BACH2: variants seen among roughly 807,000 people sequenced by gnomAD.
BACH2 encodes the protein transcription regulator protein BACH2.
BACH2 carries 5 observed loss-of-function variants against 61.8 expected under a neutral mutation model. That is an observed-to-expected ratio of 0.08 (90% CI 0.04 to 0.17). The LOEUF (loss-of-function observed/expected upper bound fraction) is 0.17, where lower values mean the gene tolerates loss of function less well. BACH2 is among the 10% of genes least tolerant of loss of function. The probability of loss-of-function intolerance (pLI) is 1.00; values close to 1 mark genes in which losing one functional copy is unlikely to be tolerated. For missense variants in BACH2, 824 were observed against 1,091.1 expected (o/e 0.76, Z 3.45); for synonymous variants, 446 against 440.1 (o/e 1.01, Z -0.17).
intron 4 of BACH2, among the ~76,000 whole-genome samples, chr6:90,188,386 A>G (rs554631937): frequency 1.3e-5 from 2 of 152,292 alleles, no homozygotes; most frequent in South Asian, 4.1e-4. Flanking sequence ...TTGATCTGTG[A>G]TAGTTTCAGT....
chr6:90,202,324 G>T (rs1023775688), intron 4 of BACH2, among the ~76,000 whole-genome samples: 19 of 152,112 alleles, frequency 1.2e-4, no homozygotes, highest in Non-Finnish European at 2.8e-4. Context: ...CTAAATTTCA[G>T]TTTTACTTTT....
intron 2 of BACH2, among the ~76,000 whole-genome samples, chr6:90,266,618 C>T (rs1477941979): frequency 6.6e-6 from 1 of 152,062 alleles, no homozygotes; most frequent in Non-Finnish European, 1.5e-5. Flanking sequence ...AAATGAACCT[C>T]AAAAATGTTA....
At chr6:90,239,144 A>T (rs1397054349) in intron 3 of BACH2, among the ~76,000 whole-genome samples, 1 of 152,158 alleles carries the variant, frequency 6.6e-6, no homozygotes, top group African/African-American at 2.4e-5. Flanking sequence ...ATCAATACAC[A>T]ACCCCATATG....
intron 6 of BACH2, among the ~76,000 whole-genome samples, chr6:89,955,302 G>C (rs544531130): frequency 1.3e-5 from 2 of 152,316 alleles, no homozygotes; most frequent in East Asian, 3.9e-4. Context: ...ATTTAGCTTT[G>C]TAGAAGAGGT....
chr6:90,212,373 C>T (rs1029087863), intron 3 of BACH2, among the ~76,000 whole-genome samples: 1 of 152,142 alleles, frequency 6.6e-6, no homozygotes, highest in Non-Finnish European at 1.5e-5. Flanking sequence ...AAAGAAGAGG[C>T]AAGAGGAACA....
rs1332516026 is a variant in BACH2, at chr6:89,973,077, C to T, written c.244-21215G>A. Reference sequence around the variant, plus strand: ...TGCACTCCAGCCTGGGCAACAAGAGCGAAATTCCATTTCAAAACAACAACA... The same window carrying T: ...TGCACTCCAGCCTGGGCAACAAGAGTGAAATTCCATTTCAAAACAACAACA... On this transcript the variant is annotated intron_variant, in intron 6 of 8. Transcript: ENST00000257749. 5.3e-5 allele frequency among the ~76,000 whole-genome samples: 8 copies of T among 151,934 alleles called. No homozygotes were observed. In the East Asian group the frequency reaches 7.8e-4, roughly 15 times the overall value.
intron 5 of BACH2, among the ~76,000 whole-genome samples, chr6:90,049,358 C>T (rs978034968): frequency 1.3e-5 from 2 of 152,150 alleles, no homozygotes; most frequent in Non-Finnish European, 2.9e-5. Flanking sequence ...CACTGGGTGA[C>T]TACGGATGAC....
At chr6:90,169,575 T>C (rs1350813971) in intron 4 of BACH2, among the ~76,000 whole-genome samples, 2 of 152,198 alleles carry the variant, frequency 1.3e-5, no homozygotes, top group African/African-American at 2.4e-5. Context: ...TAATAGAGCA[T>C]GGTCATGCCC....
intron 4 of BACH2, among the ~76,000 whole-genome samples, chr6:90,120,848 T>C (rs981545102): frequency 6.6e-6 from 1 of 152,208 alleles, no homozygotes; most frequent in Non-Finnish European, 1.5e-5. Context: ...AAACTGTTAA[T>C]GTCAGCTATA....
Position 90,235,234 on chromosome 6 carries a change from G to C in BACH2, c.-275+17279C>G, listed in dbSNP as rs565000290. Among the ~76,000 whole-genome samples the C allele has an allele frequency of 7.2e-5, 11 of 152,218 alleles. No homozygotes were observed. In the South Asian group the frequency reaches 2.3e-3, roughly 32 times the overall value. ...TTCATAGAAAGGAAGATTAGTGTGT[G>C]GTTAAAAGCAAAGGTATTGAGTCCA... On this transcript the variant is annotated intron_variant, in intron 3 of 8. Coordinates refer to ENST00000257749, the MANE Select transcript of BACH2 (RefSeq NM_021813.4).
intron 4 of BACH2, among the ~76,000 whole-genome samples, chr6:90,091,740 G>A (rs1163379032): frequency 6.6e-6 from 1 of 152,048 alleles, no homozygotes; most frequent in Non-Finnish European, 1.5e-5. Context: ...GGAGTGGGGG[G>A]TGCAAAAAAT....
intron 4 of BACH2, among the ~76,000 whole-genome samples, chr6:90,106,011 G>C (rs957817716): frequency 1.3e-5 from 2 of 152,196 alleles, no homozygotes; most frequent in African/African-American, 4.8e-5. Flanking sequence ...CTTCAGAAGA[G>C]GGAAGAAGGA....
intron 3 of BACH2, among the ~76,000 whole-genome samples, chr6:90,226,888 C>T (rs1270952519): frequency 6.6e-6 from 1 of 152,156 alleles, no homozygotes; most frequent in Non-Finnish European, 1.5e-5. Flanking sequence ...TATTGAATTT[C>T]TCTTCTCTTA....
At chr6:90,022,978 A>T (rs935299885) in intron 5 of BACH2, among the ~76,000 whole-genome samples, 1 of 152,248 alleles carries the variant, frequency 6.6e-6, no homozygotes, top group Non-Finnish European at 1.5e-5. Flanking sequence ...GTCTATCCGT[A>T]GCAGAATGCA....
Position 89,932,401 on chromosome 6 carries a change from C to T in BACH2, c.*7G>A, listed in dbSNP as rs369688322. The T allele has an allele frequency of 6.5e-5, 104 of 1,603,006 alleles. No homozygotes were observed. The African/African-American group carries it at 7.5e-4, about 12-fold the overall frequency. On this transcript the variant is annotated 3_prime_UTR_variant, in exon 9 of 9. Coordinates refer to ENST00000257749, the MANE Select transcript of BACH2 (RefSeq NM_021813.4). ...AGGTGTGCGGACTGGGAGGCAGAGC[C>T]GAGTCACTAGGTATAATCTTTCCTG...
At chr6:90,024,162 C>T (rs1778517629) in intron 5 of BACH2, among the ~76,000 whole-genome samples, 1 of 152,014 alleles carries the variant, frequency 6.6e-6, no homozygotes, top group South Asian at 2.1e-4. Context: ...TATATCCCAG[C>T]TCCCCCAAAT....
chr6:90,026,313 A>G (rs1582219967), intron 5 of BACH2, among the ~76,000 whole-genome samples: 1 of 152,338 alleles, frequency 6.6e-6, no homozygotes, highest in Non-Finnish European at 1.5e-5. Flanking sequence ...TCAAAGTGCT[A>G]TAATTAAATA....
At chr6:90,167,482 A>G (rs559268549) in intron 4 of BACH2, among the ~76,000 whole-genome samples, 1 of 152,228 alleles carries the variant, frequency 6.6e-6, no homozygotes, top group East Asian at 1.9e-4. Flanking sequence ...CAGCCTCTCA[A>G]ATAGCTGGGG....
At chr6:90,033,346 TTAAA>T (rs1232085724) in intron 5 of BACH2, among the ~76,000 whole-genome samples, 3 of 140,232 alleles carry the variant, frequency 2.1e-5, no homozygotes, top group South Asian at 2.2e-4. Flanking sequence ...ACCCTGAAAC[TTAAA>T]TAAAAAAAAA....
Sources: gnomAD v4.1 joint callset for allele counts (sites outside exome capture counted in the v4.1 genomes callset) on GRCh38, gnomAD v4.1.1 for gene constraint, MANE v1.5 for transcripts, NCBI Gene and HGNC (gene_info 2026-07-23, HGNC 2026-07-21) for gene names.